Variants in BDNF observed in about 807,000 individuals in gnomAD.
BDNF encodes the protein neurotrophic factor BDNF precursor form.
Under a neutral mutation model 19.5 loss-of-function variants are expected in BDNF, and 1 was observed. The ratio of observed to expected loss-of-function variants is 0.05; its 90% CI spans 0.02 to 0.24. BDNF has a LOEUF of 0.24. Among genes scored for constraint, BDNF ranks in the 10% least tolerant of loss-of-function variants. The pLI is 1.00. For missense variants in BDNF, 195 were observed against 317.6 expected (o/e 0.61, Z 2.93); for synonymous variants, 100 against 121.6 (o/e 0.82, Z 1.17).
At chr11:27,721,370 T>C (rs200190368) in intron 1 of BDNF, 1 of 1,611,830 alleles carries the variant, frequency 6.2e-7, no homozygotes, top group African/African-American at 1.3e-5. Flanking sequence ...AAGCAACATG[T>C]CAAGATTTTT....
intron 1 of BDNF, among the ~76,000 whole-genome samples, chr11:27,721,192 C>G (rs140200224): frequency 1.3e-5 from 2 of 151,794 alleles, no homozygotes; most frequent in Non-Finnish European, 2.9e-5. Flanking sequence ...TAACACACAC[C>G]CCCCCACCCA....
chr11:27,705,632 C>T (rs761658689), intron 1 of BDNF, among the ~76,000 whole-genome samples: 1 of 152,202 alleles, frequency 6.6e-6, no homozygotes, highest in Non-Finnish European at 1.5e-5. Flanking sequence ...GCAGGATGTG[C>T]AACTGGCCCT....
At position 27,657,901 on chromosome 11, in the gene BDNF, T is replaced by C. The variant is rs762541432; in HGVS notation, c.664A>G (p.Ser222Gly). Reference protein sequence around the residue: ...QSYVRALTMDSKKRIGWRFIR... With the variant: ...QSYVRALTMDGKKRIGWRFIR... Reference sequence around the variant, plus strand: ...AATCGCCAGCCAATTCTCTTTTTGCTATCCATGGTAAGGGCCCGCACGTAC... The same window carrying C: ...AATCGCCAGCCAATTCTCTTTTTGCCATCCATGGTAAGGGCCCGCACGTAC... The change falls in exon 2 of 2, where the codon AGC (serine) becomes GGC (glycine). Residue 222 changes from serine to glycine, a missense_variant. Transcript: ENST00000356660. The surrounding 1 kb of genome is among the most constrained non-coding windows in gnomAD (Gnocchi z 5.0). 10 of 1,614,214 alleles carry C rather than the reference T, an allele frequency of 6.2e-6. No homozygotes were observed. The highest frequency in any genetic ancestry group is 6.8e-6 in the Non-Finnish European group (8 of 1,180,036).
At chr11:27,663,649 T>C (rs1590244203) in intron 1 of BDNF, among the ~76,000 whole-genome samples, 2 of 152,332 alleles carry the variant, frequency 1.3e-5, no homozygotes, top group South Asian at 4.1e-4. Context: ...AGGTAACCTG[T>C]CAAATGCCAT....
rs562739123 is a variant in BDNF, at chr11:27,719,363, C to T, written c.3+2049G>A. The stretch of plus-strand genomic sequence containing the variant: ...CTGATTGGTGGCTCTGTCCAGCCGC[C>T]GCACGGAGCTAAAAGTGTTCTTCTC... On this transcript the variant is annotated intron_variant, in intron 1 of 1. Transcript: ENST00000314915. 6.0e-4 allele frequency: 418 copies of T among 702,058 alleles called. 1 individual carries two copies. The African/African-American group carries it at 6.7e-3, about 11-fold the overall frequency. The allele number at this position is 702,058 out of a possible 1,614,324, so 43.5% of individuals were successfully genotyped here.
rs142496234 is a variant in BDNF at position 27,719,085 on chromosome 11, G to A, written c.3+2327C>T. ...TAAGTCCCTGAGCTCCCTGAAGAGTGGCAAGAGGATAACGCAGCCGCGCGT... is the reference window on the plus strand; with the variant it reads ...TAAGTCCCTGAGCTCCCTGAAGAGTAGCAAGAGGATAACGCAGCCGCGCGT... On this transcript the variant is annotated intron_variant, in intron 1 of 1. Coordinates refer to the BDNF transcript ENST00000314915. Among the ~76,000 whole-genome samples the A allele has an allele frequency of 3.2e-4, 48 of 152,328 alleles. No homozygotes were observed. In the East Asian group the frequency reaches 9.1e-3, roughly 29 times the overall value.
At chr11:27,674,101 C>T (rs1855761032) in intron 1 of BDNF, 2 of 1,611,380 alleles carry the variant, frequency 1.2e-6, no homozygotes, top group South Asian at 1.1e-5. Flanking sequence ...TTAAATTCCA[C>T]TGAAACGTGG....
intron 1 of BDNF, among the ~76,000 whole-genome samples, chr11:27,659,845 A>C (rs1590226026): frequency 6.6e-6 from 1 of 152,216 alleles, no homozygotes; most frequent in Non-Finnish European, 1.5e-5. Flanking sequence ...TTGGCTCTAC[A>C]TCTACAAGCA....
chr11:27,711,752 C>CA (rs1462708457), intron 1 of BDNF, among the ~76,000 whole-genome samples: 1 of 152,110 alleles, frequency 6.6e-6, no homozygotes, highest in Non-Finnish European at 1.5e-5. Flanking sequence ...ATGCCAAATA[C>CA]AAAACAAATA....
intron 1 of BDNF, among the ~76,000 whole-genome samples, chr11:27,693,334 C>T (rs553364249): frequency 6.6e-6 from 1 of 152,316 alleles, no homozygotes; most frequent in South Asian, 2.1e-4. Context: ...TTCCTTTCTA[C>T]AATCTGCTGA....
At chr11:27,719,779 AAG>A (rs778370016) in intron 1 of BDNF, 1 of 187,172 alleles carries the variant, frequency 5.3e-6, no homozygotes, top group South Asian at 1.8e-4. Flanking sequence ...GGGAGGGGGA[AAG>A]AGAGGGAGGG....
chr11:27,711,235 G>T (rs1860314784), intron 1 of BDNF, among the ~76,000 whole-genome samples: 1 of 152,232 alleles, frequency 6.6e-6, no homozygotes, highest in Admixed American at 6.5e-5. Flanking sequence ...TTGTTGTGAG[G>T]ATTCAATGAA....
intron 1 of BDNF, among the ~76,000 whole-genome samples, chr11:27,711,224 A>T (rs1860314392): frequency 6.6e-6 from 1 of 152,206 alleles, no homozygotes; most frequent in African/African-American, 2.4e-5. Context: ...GCCTAGAAAG[A>T]TTGTTGTGAG....
At position 27,657,274 on chromosome 11, in the gene BDNF, A is replaced by C. The variant is rs1852696716; in HGVS notation, c.*547T>G. On this transcript the variant is annotated 3_prime_UTR_variant, in exon 2 of 2. Coordinates refer to ENST00000356660, the MANE Select transcript of BDNF (RefSeq NM_001709.5). This position sits in a 1 kb window ranked among gnomAD's most constrained non-coding sequence, Gnocchi z 5.0. ...AAAAAAAAACACAAAACAAACAAAA[A>C]TATACCCCCCATCCCCCATCCCCTA... 1.0e-6 allele frequency: 1 copy of C among 987,536 alleles called. No homozygotes were observed. Among genetic ancestry groups the C allele is most frequent in the South Asian group, 4.7e-5 (1 of 21,414 alleles). 61.2% of individuals were successfully genotyped at this position (987,536 alleles called of 1,614,324 possible).
upstream of BDNF, chr11:27,701,118 A>G (rs1859874090): frequency 1.6e-6 from 2 of 1,287,376 alleles, no homozygotes; most frequent in South Asian, 1.2e-5. Context: ...AGTTTGCCTA[A>G]TAGGAATTCA....
chr11:27,679,818 G>A (rs10835211), intron 1 of BDNF, among the ~76,000 whole-genome samples: 27,797 of 152,242 alleles, frequency 0.18, 3,011 homozygotes, highest in Non-Finnish European at 0.25. Flanking sequence ...CAGAGCTCTG[G>A]TCGCTCAGTT....
chr11:27,718,816 T>G (rs1465735566), intron 1 of BDNF, among the ~76,000 whole-genome samples: 4 of 152,080 alleles, frequency 2.6e-5, no homozygotes, highest in Admixed American at 2.0e-4. Context: ...CTTTCTTTCG[T>G]TCGTTAAAAC....
At position 27,658,850 on chromosome 11, in the gene BDNF, A is replaced by G; in HGVS notation, c.-21-265T>C. Reference sequence around the variant, plus strand: ...ATTAGATGGCTTCTAAGCAAGTGCAAAAATTGTGGCTTCAAGTTCTCCTTC... The same window carrying G: ...ATTAGATGGCTTCTAAGCAAGTGCAGAAATTGTGGCTTCAAGTTCTCCTTC... On this transcript the variant is annotated intron_variant, in intron 1 of 1. Coordinates refer to ENST00000356660, the MANE Select transcript of BDNF (RefSeq NM_001709.5). This position sits in a 1 kb window ranked among gnomAD's most constrained non-coding sequence, Gnocchi z 5.7. 1.5e-6 allele frequency: 2 copies of G among 1,330,960 alleles called. No homozygotes were observed. Among genetic ancestry groups the G allele is most frequent in the Non-Finnish European group, 1.9e-6 (2 of 1,033,694 alleles). The allele number at this position is 1,330,960 out of a possible 1,614,324, so 82.4% of individuals were successfully genotyped here. A position where few individuals can be genotyped will look rare whatever the true frequency, so the allele number is the denominator to read the frequency against.
chr11:27,712,050 G>A (rs1444839974), intron 1 of BDNF, among the ~76,000 whole-genome samples: 1 of 152,208 alleles, frequency 6.6e-6, no homozygotes, highest in African/African-American at 2.4e-5. Context: ...GGCCTTCTCA[G>A]TATTTGGTCC....
Sources: allele counts gnomAD v4.1 joint callset (sites outside exome capture counted in the v4.1 genomes callset), GRCh38; gene constraint gnomAD v4.1.1; non-coding constraint Gnocchi (gnomAD v3.1); transcripts MANE v1.5; gene names NCBI Gene and HGNC (gene_info 2026-07-23, HGNC 2026-07-21).